The following PPOX variants were observed in gnomAD, a reference collection of about 807,000 sequenced individuals.
PPOX encodes the protein protoporphyrinogen oxidase.
PPOX carries 23 observed loss-of-function variants against 54.1 expected under a neutral mutation model. That is an observed-to-expected ratio of 0.43 (90% CI 0.31 to 0.60). The LOEUF (loss-of-function observed/expected upper bound fraction) is 0.60, where lower values mean the gene tolerates loss of function less well. Among genes scored for constraint, PPOX ranks in the 20% least tolerant of loss-of-function variants. PPOX has a pLI of 0.13. For synonymous variants in PPOX, 224 were observed against 236.1 expected, an observed-to-expected ratio of 0.95 and a Z score of 0.47; for missense variants, 512 against 601.1, an observed-to-expected ratio of 0.85 and a Z score of 1.55.
chr1:161,165,982 T>C, upstream of PPOX: 1 of 551,268 alleles, frequency 1.8e-6, no homozygotes, highest in Non-Finnish European at 2.3e-6. Flanking sequence ...GATGGGGGAG[T>C]GCCACTGTTG....
At chr1:161,170,320 G>GGGGGCCCCCC in intron 9 of PPOX, 89 bp from the exon 10 acceptor site, 1 of 494,792 alleles carries the variant, frequency 2.0e-6, no homozygotes, top group Non-Finnish European at 4.0e-6. Context: ...GTGAGACTCT[G>GGGGGCCCCCC]TCCCCCCCAC....
exon 5 of PPOX, chr1:161,176,920 A>G: frequency 6.5e-7 from 1 of 1,536,138 alleles, no homozygotes; most frequent in East Asian, 2.4e-5. Flanking sequence ...ACCCAGGGCG[A>G]AGTAGGAAAC....
chr1:161,168,583 G>A lies in PPOX; in HGVS notation c.616+7G>A, dbSNP rs1224925453. The A allele has an allele frequency of 6.2e-7, 1 of 1,613,870 alleles. No homozygotes were observed. The highest frequency in any genetic ancestry group is 8.5e-7 in the Non-Finnish European group (1 of 1,179,928). On this transcript the variant is annotated splice_region_variant and intron_variant, in intron 6 of 12. Transcript: ENST00000367999. ...GGCCTGCTGCTGGGGGCAGGTGAGGGGGGATTGATTCAGAGGGTGAAAATA... is the reference window on the plus strand; with the variant it reads ...GGCCTGCTGCTGGGGGCAGGTGAGGAGGGATTGATTCAGAGGGTGAAAATA...
downstream of PPOX, chr1:161,175,922 C>T (rs751634436): frequency 1.2e-6 from 2 of 1,614,134 alleles, no homozygotes; most frequent in South Asian, 1.1e-5. Flanking sequence ...TGAGAATAGT[C>T]AAATGTCGGT....
chr1:161,177,143 C>A, downstream of PPOX: 1 of 1,442,584 alleles, frequency 6.9e-7, no homozygotes, highest in South Asian at 1.3e-5. Context: ...GGGGCAGAGA[C>A]AGTCAGGGGT....
downstream of PPOX, chr1:161,172,376 A>G: frequency 6.5e-7 from 1 of 1,530,184 alleles, no homozygotes; most frequent in Non-Finnish European, 8.9e-7. Context: ...GAGTAGAGAA[A>G]AGCAAGGAAG....
downstream of PPOX, among the ~76,000 whole-genome samples, chr1:161,174,554 A>C (rs897514858): frequency 6.6e-6 from 1 of 152,204 alleles, no homozygotes; most frequent in Non-Finnish European, 1.5e-5. Context: ...TATGGACCTG[A>C]TACTTAAGAT....
At position 161,166,859 on chromosome 1, in the gene PPOX, C is replaced by T. The variant is rs781230589; in HGVS notation, c.12C>T (p.Thr4=). MGR[T]VVVLGGGISG... is the part of the protein sequence containing the mutation. Reference sequence around the variant, plus strand: ...CCCCAGGTTTCCGCATGGGCCGGACCGTGGTCGTGCTGGGCGGAGGCATCA... The same window carrying T: ...CCCCAGGTTTCCGCATGGGCCGGACTGTGGTCGTGCTGGGCGGAGGCATCA... Residue 4 remains threonine (T), a synonymous_variant, in exon 2 of 13, where the codon ACC becomes ACT. Coordinates refer to ENST00000367999, the MANE Select transcript of PPOX (RefSeq NM_001122764.3). The T allele has an allele frequency of 1.2e-6, 2 of 1,613,676 alleles. No individual in the cohort carries two copies. Among genetic ancestry groups the T allele is most frequent in the South Asian group, 2.2e-5 (2 of 91,088 alleles).
downstream of PPOX, chr1:161,173,526 A>C (rs750878067): frequency 1.5e-5 from 24 of 1,599,328 alleles, no homozygotes; most frequent in Non-Finnish European, 2.1e-5. Context: ...TTAGTGTTGA[A>C]GGGCTATGGT....
intron 4 of PPOX, 51 bp from the exon 5 acceptor site, chr1:161,167,944 C>T: frequency 1.2e-6 from 2 of 1,613,364 alleles, no homozygotes; most frequent in Non-Finnish European, 1.7e-6. Context: ...GCGCCTGGAG[C>T]TGGGGAGGTA....
Position 161,168,077 on chromosome 1 carries a change from G to C in PPOX, c.421G>C (p.Glu141Gln). 3.1e-6 allele frequency: 5 copies of C among 1,614,190 alleles called. No homozygotes were observed. The highest frequency in any genetic ancestry group is 4.2e-6 in the Non-Finnish European group (5 of 1,180,038). Residue 141 changes from glutamate to glutamine, a missense_variant, in exon 5 of 13, where the codon GAG (glutamate) becomes CAG (glutamine). Coordinates refer to ENST00000367999, the MANE Select transcript of PPOX (RefSeq NM_001122764.3). ...LRELTKPRGKEPDETVHSFAQ... is the reference protein window; with the variant it reads ...LRELTKPRGKQPDETVHSFAQ... ...GGAGCTGACCAAGCCCCGGGGCAAA[G>C]AGCCTGATGAGACTGTGCACAGTTT...
intron 7 of PPOX, 124 bp downstream of exon 7, chr1:161,169,307 G>T: frequency 8.6e-7 from 1 of 1,164,340 alleles, no homozygotes; most frequent in Non-Finnish European, 1.2e-6. Flanking sequence ...AAGCTACTTA[G>T]ACATGGGCTA....
downstream of PPOX, chr1:161,177,125 G>A (rs1415583469): frequency 2.1e-5 from 32 of 1,493,394 alleles, no homozygotes; most frequent in Non-Finnish European, 2.5e-5. Context: ...AAAGGGAGAG[G>A]GAGAGCAGGG....
In PPOX at chr1:161,168,114, G is replaced by A. The variant is rs781523051; in HGVS notation, c.458G>A (p.Arg153His). The A allele has an allele frequency of 5.0e-6, 8 of 1,614,092 alleles. No homozygotes were observed. The highest frequency in any genetic ancestry group is 1.3e-5 in the African/African-American group (1 of 75,004). ...DETVHSFAQR[R>H]LGPEVASLAM... is the part of the protein sequence containing the mutation. ...ACTGTGCACAGTTTTGCCCAGCGCC[G>A]CCTTGGACCTGAGGTGACACTTGCC... Residue 153 changes from arginine to histidine, a missense_variant, in exon 5 of 13, where the codon CGC becomes CAC. Transcript: ENST00000367999.
upstream of PPOX, chr1:161,166,409 T>A: frequency 9.0e-7 from 1 of 1,109,546 alleles, no homozygotes; most frequent in Non-Finnish European, 1.1e-6. Flanking sequence ...GTTAGGCGCG[T>A]GCCGCGAGAA....
At position 161,166,481 on chromosome 1, in the gene PPOX, C is replaced by T. The variant is rs1323676396; in HGVS notation, c.-200C>T. On this transcript the variant is annotated 5_prime_UTR_variant, in exon 1 of 13. Transcript: ENST00000367999. ...GGGGGTGGGAGTAGCGGATTTGAAG[C>T]ACTTGTTGGCCTACAGAGGTGTGGC... is the stretch of plus-strand genomic sequence containing the variant. 5.6e-6 allele frequency: 7 copies of T among 1,260,166 alleles called. No individual in the cohort carries two copies. The Admixed American group carries it at 2.0e-4, about 37-fold the overall frequency. 78.1% of individuals were successfully genotyped at this position (1,260,166 alleles called of 1,614,324 possible).
chr1:161,169,123 C>T lies in PPOX; in HGVS notation c.747C>T (p.Val249=), dbSNP rs755967832. 6.2e-7 allele frequency: 1 copy of T among 1,614,200 alleles called. No homozygotes were observed. The highest frequency in any genetic ancestry group is 1.1e-5 in the South Asian group (1 of 91,084). The change falls in exon 7 of 13, where the codon GTC becomes GTT. Residue 249 remains valine (V), a synonymous_variant. Coordinates refer to ENST00000367999, the MANE Select transcript of PPOX (RefSeq NM_001122764.3). ...ALETHLTSRG[V]SVLRGQPVCG... ...AAACCCACCTGACTAGTAGGGGGGT[C>T]AGTGTTCTCAGAGGCCAGCCGGTCT...
intron 9 of PPOX, 46 bp downstream of exon 9, chr1:161,170,070 T>C: frequency 6.3e-7 from 1 of 1,579,638 alleles, no homozygotes; most frequent in Non-Finnish European, 8.6e-7. Context: ...CTCACACCTG[T>C]AATCCCAGCA....
chr1:161,168,944 G>A (rs1660126304), intron 6 of PPOX, 49 bp from the exon 7 acceptor site: 2 of 1,604,976 alleles, frequency 1.2e-6, no homozygotes, highest in Admixed American at 1.7e-5. Flanking sequence ...GATTACAGGT[G>A]TGAGCCACTG....
Sources: gnomAD v4.1 joint callset for allele counts (sites outside exome capture counted in the v4.1 genomes callset) on GRCh38, gnomAD v4.1.1 for gene constraint, MANE v1.5 for transcripts, NCBI Gene and HGNC (gene_info 2026-07-23, HGNC 2026-07-21) for gene names.